XXYLT1: variants seen among roughly 807,000 people sequenced by gnomAD.
XXYLT1 encodes the protein UDP-xylose:alpha-xyloside alpha-1,3-xylosyltransferase.
A neutral mutation model predicts 28.9 loss-of-function variants in XXYLT1; 20 were observed. That is an observed-to-expected ratio of 0.69 (90% CI 0.49 to 1.00). The LOEUF is 1.00. XXYLT1 is among the 50% of genes least tolerant of loss of function. The pLI, the probability that XXYLT1 is intolerant of heterozygous loss-of-function variation, is 0.00. For synonymous variants in XXYLT1, 257 were observed against 253.8 expected (o/e 1.01, Z -0.12); for missense variants, 542 against 560.1 (o/e 0.97, Z 0.33).
chr3:195,266,001 G>A (rs1725837718), intron 1 of XXYLT1, among the ~76,000 whole-genome samples: 1 of 152,170 alleles, frequency 6.6e-6, no homozygotes, highest in South Asian at 2.1e-4. Context: ...CACATGGAAG[G>A]GATAAGTCTT....
Position 195,270,773 on chromosome 3 carries a change from GC to G in XXYLT1, c.285del (p.Pro96ArgfsTer7). 1 of 1,573,458 alleles carries G rather than the reference GC, an allele frequency of 6.4e-7. No homozygotes were observed. The highest frequency in any genetic ancestry group is 8.6e-7 in the Non-Finnish European group (1 of 1,165,078). The part of the protein sequence containing the change: ...KAKSLEGGGA[G>X]PVDYHLLMMF... ...ATCATCAGCAGGTGGTAGTCCACCG[GC>G]CCGGCACCGCCGCCCTCCAAGCTCT... On this transcript the variant is annotated frameshift_variant, in exon 1 of 4. Coordinates refer to ENST00000310380, the MANE Select transcript of XXYLT1 (RefSeq NM_152531.5). LOFTEE classifies it high-confidence loss of function.
In XXYLT1 at chr3:195,115,880, G is replaced by T. The variant is rs1225273930; in HGVS notation, c.785+40569C>A. ...CTGGAGGCGCTGAGGCTGTCCTCAG[G>T]CTCAGGAGACAAAGACCGAGGACAG... On this transcript the variant is annotated intron_variant, in intron 3 of 3. Coordinates refer to ENST00000310380, the MANE Select transcript of XXYLT1 (RefSeq NM_152531.5). The surrounding 1 kb of genome is among the most constrained non-coding windows in gnomAD (Gnocchi z 4.2). Among the ~76,000 whole-genome samples the T allele has an allele frequency of 1.3e-5, 2 of 152,178 alleles. No individual in the cohort carries two copies. Among genetic ancestry groups the T allele is most frequent in the African/African-American group, 4.8e-5 (2 of 41,436 alleles).
intron 2 of XXYLT1, among the ~76,000 whole-genome samples, chr3:195,212,678 T>C (rs909801607): frequency 2.5e-4 from 38 of 152,312 alleles, no homozygotes; most frequent in African/African-American, 8.4e-4. Flanking sequence ...TGCATGCTCC[T>C]TATGAGACTC....
Position 195,115,264 on chromosome 3 carries a change from G to A in XXYLT1, c.785+41185C>T, listed in dbSNP as rs1013620029. 6.6e-6 allele frequency among the ~76,000 whole-genome samples: 1 copy of A among 152,154 alleles called. No homozygotes were observed. On this transcript the variant is annotated intron_variant, in intron 3 of 3. Coordinates refer to ENST00000310380, the MANE Select transcript of XXYLT1 (RefSeq NM_152531.5). The surrounding 1 kb of genome is among the most constrained non-coding windows in gnomAD (Gnocchi z 4.2). ...CACCTTGAACCCAGGTCGTGCTGCC[G>A]CTTCCTGAGTACCAGAAAAGCAGGG...
chr3:195,138,030 CTT>C (rs992437162), intron 3 of XXYLT1, among the ~76,000 whole-genome samples: 5 of 152,142 alleles, frequency 3.3e-5, no homozygotes, highest in Admixed American at 2.0e-4. Context: ...GAAACAGAGG[CTT>C]TAAGAGGTTT....
chr3:195,271,110 G>C lies in XXYLT1; in HGVS notation c.-52C>G, dbSNP rs1382222388. The C allele has an allele frequency of 7.8e-7, 1 of 1,284,518 alleles. No individual in the cohort carries two copies. Among genetic ancestry groups the C allele is most frequent in the Non-Finnish European group, 9.8e-7 (1 of 1,018,570 alleles). The allele number at this position is 1,284,518 out of a possible 1,614,324, so 79.6% of individuals were successfully genotyped here. A position where few individuals can be genotyped will look rare whatever the true frequency, so the allele number is the denominator to read the frequency against. Reference sequence around the variant, plus strand: ...TGCCAGCAACGCGGGAGAGCCCTCGGGTACCCGGACGCCGGCGGCCACTTA... The same window carrying C: ...TGCCAGCAACGCGGGAGAGCCCTCGCGTACCCGGACGCCGGCGGCCACTTA... On this transcript the variant is annotated 5_prime_UTR_variant, in exon 1 of 4. Transcript: ENST00000310380.
chr3:195,246,817 G>A (rs1276786957), intron 1 of XXYLT1, among the ~76,000 whole-genome samples: 2 of 152,180 alleles, frequency 1.3e-5, no homozygotes, highest in Non-Finnish European at 2.9e-5. Context: ...CATAAATCCA[G>A]GATTTCTTTA....
Position 195,168,230 on chromosome 3 carries a change from GC to G in XXYLT1, c.653-11650del, listed in dbSNP as rs1721225570. On this transcript the variant is annotated intron_variant, in intron 2 of 3. Transcript: ENST00000310380. This position sits in a 1 kb window ranked among gnomAD's most constrained non-coding sequence, Gnocchi z 4.3. The stretch of plus-strand genomic sequence containing the variant: ...TGAATGTGGTCTGAGACTCCTCCCA[GC>G]CCTACCACCCTGTGATTCTGAACAG... 6.6e-6 allele frequency among the ~76,000 whole-genome samples: 1 copy of G among 152,146 alleles called. No individual in the cohort carries two copies. The highest frequency in any genetic ancestry group is 2.4e-5 in the African/African-American group (1 of 41,428).
chr3:195,177,653 C>T (rs546740014), intron 2 of XXYLT1, among the ~76,000 whole-genome samples: 24 of 152,078 alleles, frequency 1.6e-4, no homozygotes, highest in African/African-American at 4.3e-4. Context: ...TGGCCAGGTA[C>T]GGTGGCTCAC....
In XXYLT1 at chr3:195,254,048, G is replaced by C. The variant is rs1394215871; in HGVS notation, c.504+16507C>G. Among the ~76,000 whole-genome samples the C allele has an allele frequency of 2.6e-5, 4 of 152,162 alleles. No homozygotes were observed. In the East Asian group the frequency reaches 7.7e-4, roughly 29 times the overall value. Reference sequence around the variant, plus strand: ...TGTGCACCAGGGGGCACCCCCACTGGGGTGGGGAGATTTCCCTCTCACATT... The same window carrying C: ...TGTGCACCAGGGGGCACCCCCACTGCGGTGGGGAGATTTCCCTCTCACATT... On this transcript the variant is annotated intron_variant, in intron 1 of 3. Coordinates refer to ENST00000310380, the MANE Select transcript of XXYLT1 (RefSeq NM_152531.5).
chr3:195,184,394 C>T (rs1722084599), intron 2 of XXYLT1, among the ~76,000 whole-genome samples: 2 of 152,190 alleles, frequency 1.3e-5, no homozygotes, highest in South Asian at 4.1e-4. Flanking sequence ...TGTCAAACAC[C>T]TTTAGATCAT....
intron 1 of XXYLT1, among the ~76,000 whole-genome samples, chr3:195,242,404 C>T (rs1724816360): frequency 2.0e-5 from 3 of 152,178 alleles, no homozygotes; most frequent in Admixed American, 1.3e-4. Context: ...CAATTTTACA[C>T]CCAACCTGCA....
chr3:195,143,801 G>GATATATATAGAT lies in XXYLT1; in HGVS notation c.785+12647_785+12648insATCTATATATAT, dbSNP rs1240224336. On this transcript the variant is annotated intron_variant, in intron 3 of 3. Transcript: ENST00000310380. ...TTCTCTCATTATATATATATATATAGATAGATATATATAGATATAGATATA... is the reference window on the plus strand; with the variant it reads ...TTCTCTCATTATATATATATATATAGATATATATAGATATAGATATATATAGATATAGATATA... 1.2e-3 allele frequency among the ~76,000 whole-genome samples: 138 copies of GATATATATAGAT among 110,486 alleles called. 11 individuals carry two copies. Among genetic ancestry groups the GATATATATAGAT allele is most frequent in the Non-Finnish European group, 2.1e-3 (123 of 57,984 alleles). 72.5% of individuals were successfully genotyped at this position (110,486 alleles called of 152,430 possible).
At chr3:195,110,683 GT>G (rs1350158842) in intron 3 of XXYLT1, among the ~76,000 whole-genome samples, 45 of 127,496 alleles carry the variant, frequency 3.5e-4, no homozygotes, top group Admixed American at 7.2e-4. Flanking sequence ...ATGTGTGTGT[GT>G]GCTGTATGTG....
At chr3:195,226,557 G>T in intron 2 of XXYLT1, 152 bp downstream of exon 2, 1 of 963,916 alleles carries the variant, frequency 1.0e-6, no homozygotes, top group Non-Finnish European at 1.4e-6. Context: ...GAAGCTCGGT[G>T]GTACAAAGGG....
At chr3:195,206,241 A>C (rs1723066724) in intron 2 of XXYLT1, among the ~76,000 whole-genome samples, 1 of 151,438 alleles carries the variant, frequency 6.6e-6, no homozygotes, top group South Asian at 2.1e-4. Context: ...CAATCTCCTG[A>C]TCTCGTGATC....
intron 2 of XXYLT1, among the ~76,000 whole-genome samples, chr3:195,171,238 A>C (rs1212794032): frequency 6.6e-6 from 1 of 152,242 alleles, no homozygotes; most frequent in Non-Finnish European, 1.5e-5. Context: ...TGCCACAGGC[A>C]AGCCTAAGTT....
chr3:195,156,370 T>C, intron 3 of XXYLT1, 79 bp downstream of exon 3: 1 of 1,562,678 alleles, frequency 6.4e-7, no homozygotes, highest in South Asian at 1.2e-5. Context: ...TAAATCCCAA[T>C]CTGTCACGGC....
At chr3:195,071,958 C>T (rs896532123) in intron 3 of XXYLT1, among the ~76,000 whole-genome samples, 1 of 152,190 alleles carries the variant, frequency 6.6e-6, no homozygotes, top group East Asian at 1.9e-4. Flanking sequence ...GACCTGTGGC[C>T]GCCGAGGTCC....
Sources: allele counts gnomAD v4.1 joint callset (sites outside exome capture counted in the v4.1 genomes callset), GRCh38; gene constraint gnomAD v4.1.1; non-coding constraint Gnocchi (gnomAD v3.1); transcripts MANE v1.5; gene names NCBI Gene and HGNC (gene_info 2026-07-23, HGNC 2026-07-21).